The following COX6A1 variants were observed in gnomAD, a reference collection of about 807,000 sequenced individuals.
COX6A1 encodes the protein cytochrome c oxidase subunit 6A1, also known as cytochrome c oxidase subunit 6A1, mitochondrial.
A neutral mutation model predicts 11.3 loss-of-function variants in COX6A1; 10 were observed. The observed-to-expected ratio is 0.88, with a 90% CI of 0.54 to 1.50. COX6A1 has a LOEUF of 1.50. Ranked by LOEUF, COX6A1 falls within the 40% of genes most tolerant of loss-of-function variation. The pLI, the probability that COX6A1 is intolerant of heterozygous loss-of-function variation, is 0.00. For missense variants in COX6A1, 149 were observed against 147.6 expected (o/e 1.01, Z -0.05); for synonymous variants, 81 against 60.6 (o/e 1.34, Z -1.57).
intron 2 of COX6A1, chr12:120,438,739 A>G (rs1213590173): frequency 1.9e-6 from 1 of 522,906 alleles, no homozygotes; most frequent in Non-Finnish European, 3.3e-6. Context: ...AGTGCTCTTC[A>G]GTTTCCCTTT....
intron 2 of COX6A1, 94 bp from the exon 3 acceptor site, chr12:120,440,360 A>T (rs1877692300): frequency 4.3e-6 from 4 of 926,142 alleles, no homozygotes; most frequent in Admixed American, 4.2e-5. Context: ...TTTTGTTTTT[A>T]TATATGATCT....
intron 2 of COX6A1, among the ~76,000 whole-genome samples, chr12:120,439,396 G>A (rs1009375563): frequency 3.3e-5 from 5 of 151,816 alleles, no homozygotes; most frequent in Admixed American, 2.6e-4. Flanking sequence ...GCGTGGTGGC[G>A]GGCGCCTGTA....
At position 120,438,140 on chromosome 12, in the gene COX6A1, G is replaced by A; in HGVS notation, c.14G>A (p.Gly5Asp). Residue 5 changes from glycine (G) to aspartate (D), a missense_variant, in exon 1 of 3, where the codon GGT (glycine) becomes GAT (aspartate). Transcript: ENST00000229379. ...TCCAGATCAAAAATGGCGGTAGTTG[G>A]TGTGTCCTCGGTTTCTCGGCTGCTG... MAVVGVSSVSRLLGR... is the reference protein window; with the variant it reads MAVVDVSSVSRLLGR... 1 of 1,613,556 alleles carries A rather than the reference G, an allele frequency of 6.2e-7. No homozygotes were observed. The highest frequency in any genetic ancestry group is 8.5e-7 in the Non-Finnish European group (1 of 1,179,918).
At chr12:120,438,250 G>A (rs749378894) in intron 1 of COX6A1, 21 bp downstream of exon 1, 1 of 1,612,232 alleles carries the variant, frequency 6.2e-7, no homozygotes, top group African/African-American at 1.3e-5. Flanking sequence ...CGGGGTCGAC[G>A]GGTCGAGCCT....
chr12:120,439,407 A>G (rs903921136), intron 2 of COX6A1, among the ~76,000 whole-genome samples: 2 of 152,022 alleles, frequency 1.3e-5, no homozygotes, highest in African/African-American at 4.8e-5. Flanking sequence ...GGCGCCTGTA[A>G]TCCCAGCTAC....
At chr12:120,440,406 T>G (rs781215972) in intron 2 of COX6A1, 48 bp from the exon 3 acceptor site, 1 of 1,458,930 alleles carries the variant, frequency 6.9e-7, no homozygotes, top group African/African-American at 1.4e-5. Context: ...ACGGTGTTCT[T>G]TCTAAATTAT....
At position 120,438,222 on chromosome 12, in the gene COX6A1, G is replaced by C. The variant is rs375697683; in HGVS notation, c.96G>C (p.Glu32Asp). 4.3e-6 allele frequency: 7 copies of C among 1,613,738 alleles called. No homozygotes were observed. Among genetic ancestry groups the C allele is most frequent in the Non-Finnish European group, 5.9e-6 (7 of 1,179,888 alleles). ...RPMSSGAHGE[E>D]GSARMWKTLT... ...TGTCGAGTGGCGCCCATGGCGAAGAGGGCTCAGGTACTGGGGCCGGGGTCG... is the reference window on the plus strand; with the variant it reads ...TGTCGAGTGGCGCCCATGGCGAAGACGGCTCAGGTACTGGGGCCGGGGTCG... Residue 32 changes from glutamate to aspartate, a missense_variant, in exon 1 of 3, where the codon GAG (glutamate) becomes GAC (aspartate). Glu to Asp is a conservative substitution (Grantham distance 45, BLOSUM62 2). Transcript: ENST00000229379.
At chr12:120,438,788 CTTTTTTT>C (rs376239130) in intron 2 of COX6A1, 35 of 120,060 alleles carry the variant, frequency 2.9e-4, no homozygotes, top group East Asian at 7.1e-4. Context: ...TGAGACAGTT[CTTTTTTT>C]TTTTTTTTTT....
At chr12:120,440,370 T>C (rs1348206931) in intron 2 of COX6A1, 84 bp from the exon 3 acceptor site, 56 of 1,032,634 alleles carry the variant, frequency 5.4e-5, no homozygotes, top group Admixed American at 5.2e-4. Context: ...ATATATGATC[T>C]GTCACCCCGT....
At chr12:120,440,398 G>C in intron 2 of COX6A1, 56 bp from the exon 3 acceptor site, 1 of 1,353,502 alleles carries the variant, frequency 7.4e-7, no homozygotes, top group Non-Finnish European at 1.1e-6. Flanking sequence ...AGTTCATGAC[G>C]GTGTTCTTTC....
chr12:120,439,334 C>G (rs747285648), intron 2 of COX6A1, among the ~76,000 whole-genome samples: 16 of 152,026 alleles, frequency 1.1e-4, no homozygotes, highest in Admixed American at 6.6e-4. Flanking sequence ...CAAGACCAGC[C>G]TCGTCAACAT....
intron 2 of COX6A1, 147 bp from the exon 3 acceptor site, chr12:120,440,307 T>C: frequency 3.4e-6 from 2 of 583,406 alleles, no homozygotes; most frequent in Non-Finnish European, 6.2e-6. Flanking sequence ...CCTTAAATAA[T>C]GGGAAGGTTG....
intron 2 of COX6A1, among the ~76,000 whole-genome samples, chr12:120,439,002 C>T (rs1877649970): frequency 1.3e-5 from 2 of 152,120 alleles, no homozygotes; most frequent in Admixed American, 6.5e-5. Context: ...CGTGCCACTG[C>T]ACTCCGGCCT....
At position 120,438,131 on chromosome 12, in the gene COX6A1, C is replaced by A. The variant is rs200221639; in HGVS notation, c.5C>A (p.Ala2Glu). The change falls in exon 1 of 3, where the codon GCG (alanine) becomes GAG (glutamate). Residue 2 changes from alanine to glutamate, a missense_variant. Ala to Glu is a moderately radical substitution (Grantham distance 107). Coordinates refer to ENST00000229379, the MANE Select transcript of COX6A1 (RefSeq NM_004373.4). M[A>E]VVGVSSVSRL... ...CTGCGGCAGTCCAGATCAAAAATGG[C>A]GGTAGTTGGTGTGTCCTCGGTTTCT... The A allele has an allele frequency of 1.9e-6, 3 of 1,613,186 alleles. No individual in the cohort carries two copies. The highest frequency in any genetic ancestry group is 2.7e-5 in the African/African-American group (2 of 74,916).
rs143732226 is a variant in COX6A1 at position 120,438,385 on chromosome 12, T to A, written c.110T>A (p.Met37Lys). 6.8e-6 allele frequency: 11 copies of A among 1,614,074 alleles called. No homozygotes were observed. The African/African-American group carries it at 1.3e-4, about 20-fold the overall frequency. The change falls in exon 2 of 3, where the codon ATG (methionine) becomes AAG (lysine). Residue 37 changes from methionine to lysine, a missense_variant. Met to Lys is a moderately conservative substitution (Grantham distance 95). Transcript: ENST00000229379. Reference sequence around the variant, plus strand: ...GTTTGTGGCTTCTCCGCAGCTCGCATGTGGAAGACTCTCACCTTCTTCGTC... The same window carrying A: ...GTTTGTGGCTTCTCCGCAGCTCGCAAGTGGAAGACTCTCACCTTCTTCGTC... ...GAHGEEGSAR[M>K]WKTLTFFVAL...
At position 120,438,191 on chromosome 12, in the gene COX6A1, G is replaced by A. The variant is rs767273412; in HGVS notation, c.65G>A (p.Arg22Gln). 2.5e-6 allele frequency: 4 copies of A among 1,613,848 alleles called. No individual in the cohort carries two copies. The highest frequency in any genetic ancestry group is 3.4e-6 in the Non-Finnish European group (4 of 1,179,970). Residue 22 changes from arginine (R) to glutamine (Q), a missense_variant, in exon 1 of 3, where the codon CGG (arginine) becomes CAG (glutamine). By Grantham distance (43) the Arg-to-Gln change is conservative (BLOSUM62 1). Transcript: ENST00000229379. ...LLGRSRPQLG[R>Q]PMSSGAHGEE... ...GGTCGGTCCCGCCCACAGCTGGGGC[G>A]GCCTATGTCGAGTGGCGCCCATGGC...
At chr12:120,438,825 C>T (rs1018615268) in intron 2 of COX6A1, 2 of 266,378 alleles carry the variant, frequency 7.5e-6, no homozygotes, top group African/African-American at 3.3e-5. Context: ...ACTTCTGAGA[C>T]AGTTCTGAAA....
At chr12:120,440,394 T>C (rs1877693132) in intron 2 of COX6A1, 60 bp from the exon 3 acceptor site, 7 of 1,336,100 alleles carry the variant, frequency 5.2e-6, no homozygotes. Flanking sequence ...AAGCAGTTCA[T>C]GACGGTGTTC....
chr12:120,440,367 A>T (rs949677824), intron 2 of COX6A1, 87 bp from the exon 3 acceptor site: 17 of 999,904 alleles, frequency 1.7e-5, no homozygotes, highest in African/African-American at 3.2e-5. Context: ...TTTATATATG[A>T]TCTGTCACCC....
Sources: gnomAD v4.1 joint callset for allele counts (sites outside exome capture counted in the v4.1 genomes callset) on GRCh38, gnomAD v4.1.1 for gene constraint, MANE v1.5 for transcripts, NCBI Gene and HGNC (gene_info 2026-07-23, HGNC 2026-07-21) for gene names.